EYA1: variants seen among roughly 807,000 people sequenced by gnomAD.
EYA1 encodes the protein protein phosphatase EYA1.
A neutral mutation model predicts 82.0 loss-of-function variants in EYA1; 16 were observed. That is an observed-to-expected ratio of 0.20 (90% CI 0.13 to 0.30). The LOEUF is 0.30. EYA1 is among the 10% of genes least tolerant of loss of function. The probability of loss-of-function intolerance (pLI) is 1.00; values close to 1 mark genes in which losing one functional copy is unlikely to be tolerated. For missense variants in EYA1, 633 were observed against 730.7 expected (o/e 0.87, Z 1.54); for synonymous variants, 261 against 264.4 (o/e 0.99, Z 0.12).
chr8:71,317,090 C>T (rs922559266), intron 7 of EYA1, among the ~76,000 whole-genome samples: 35 of 152,214 alleles, frequency 2.3e-4, no homozygotes, highest in African/African-American at 8.2e-4. Flanking sequence ...ACACTTATCA[C>T]ATACTTTATT....
intron 17 of EYA1, among the ~76,000 whole-genome samples, chr8:71,209,085 CACCTTGGCCTAGGGCCAT>C (rs1299388784): frequency 6.6e-6 from 1 of 152,240 alleles, no homozygotes; most frequent in Non-Finnish European, 1.5e-5. Context: ...GATGGCTTCA[CACCTTGGCCTAGGGCCAT>C]ACTGGTCAGA....
chr8:71,273,150 C>T (rs1816746439), intron 9 of EYA1, among the ~76,000 whole-genome samples: 1 of 152,184 alleles, frequency 6.6e-6, no homozygotes, highest in African/African-American at 2.4e-5. Flanking sequence ...TCTTATTTAA[C>T]CTTAAAACCT....
intron 4 of EYA1, among the ~76,000 whole-genome samples, chr8:71,328,409 G>A (rs1823413495): frequency 6.6e-6 from 1 of 152,136 alleles, no homozygotes; most frequent in Non-Finnish European, 1.5e-5. Context: ...AGCCCCCTCA[G>A]CTCTCCTGAT....
chr8:71,404,325 G>A (rs1386360961), intron 2 of EYA1: 2 of 152,322 alleles, frequency 1.3e-5, no homozygotes, highest in Admixed American at 6.5e-5. Context: ...TGGTTACAAT[G>A]TATTAATGGG....
At chr8:71,517,149 C>G (rs922710940) in intron 2 of EYA1, among the ~76,000 whole-genome samples, 1 of 151,850 alleles carries the variant, frequency 6.6e-6, no homozygotes, top group East Asian at 1.9e-4. Context: ...CTTCTTAAGT[C>G]ACCTCACATA....
chr8:71,225,091 T>G (rs1810397451), intron 12 of EYA1: 1 of 283,356 alleles, frequency 3.5e-6, no homozygotes. Flanking sequence ...TGTTTTTACT[T>G]GCGTGTTTTT....
Position 71,488,337 on chromosome 8 carries a change from T to C in EYA1, c.33+47407A>G, listed in dbSNP as rs551591602. On this transcript the variant is annotated intron_variant, in intron 2 of 18. Coordinates refer to the EYA1 transcript ENST00000643681. Reference sequence around the variant, plus strand: ...GATAATATAATATATATCAATGATATAAAGGATAAATGATATAAAGGATAA... The same window carrying C: ...GATAATATAATATATATCAATGATACAAAGGATAAATGATATAAAGGATAA... Among the ~76,000 whole-genome samples, 5 of 152,048 alleles carry C rather than the reference T, an allele frequency of 3.3e-5. No homozygotes were observed. In the South Asian group the frequency reaches 8.3e-4, roughly 25 times the overall value.
At chr8:71,423,424 G>T (rs956980631) in intron 2 of EYA1, among the ~76,000 whole-genome samples, 2 of 152,040 alleles carry the variant, frequency 1.3e-5, no homozygotes, top group African/African-American at 4.8e-5. Context: ...GATCCATCAC[G>T]TTCTAATGGA....
At chr8:71,534,108 A>G (rs1206705120) in intron 2 of EYA1, among the ~76,000 whole-genome samples, 1 of 152,228 alleles carries the variant, frequency 6.6e-6, no homozygotes, top group East Asian at 1.9e-4. Context: ...TATTGGCAGT[A>G]TTTCTTTGCA....
At chr8:71,515,591 A>C (rs1586867011) in intron 2 of EYA1, among the ~76,000 whole-genome samples, 1 of 152,146 alleles carries the variant, frequency 6.6e-6, no homozygotes, top group African/African-American at 2.4e-5. Context: ...CAAATAAATG[A>C]TGGGAAACAT....
intron 2 of EYA1, among the ~76,000 whole-genome samples, chr8:71,391,069 G>C (rs775628834): frequency 3.9e-5 from 6 of 152,124 alleles, no homozygotes; most frequent in Non-Finnish European, 8.8e-5. Context: ...CACCTTCCGG[G>C]TTCAAGCAAT....
intron 9 of EYA1, among the ~76,000 whole-genome samples, chr8:71,286,902 A>G (rs1818444831): frequency 6.7e-6 from 1 of 148,776 alleles, no homozygotes; most frequent in Non-Finnish European, 1.5e-5. Flanking sequence ...TCCTGGGTTC[A>G]GGCAATTCCC....
At chr8:71,283,437 T>G (rs1464474984) in intron 9 of EYA1, among the ~76,000 whole-genome samples, 1 of 152,218 alleles carries the variant, frequency 6.6e-6, no homozygotes, top group Non-Finnish European at 1.5e-5. Context: ...CAATAGAATG[T>G]AAGTTCCCTG....
chr8:71,292,696 G>T (rs143370776), intron 9 of EYA1, among the ~76,000 whole-genome samples: 1 of 151,806 alleles, frequency 6.6e-6, no homozygotes, highest in African/African-American at 2.4e-5. Context: ...TAAAAGGGAG[G>T]ATTCCAGTGG....
At chr8:71,468,578 G>A (rs1237774143) in intron 2 of EYA1, among the ~76,000 whole-genome samples, 1 of 152,116 alleles carries the variant, frequency 6.6e-6, no homozygotes, top group Non-Finnish European at 1.5e-5. Context: ...ACTCTAAAAT[G>A]ATTAAAATAG....
intron 2 of EYA1, among the ~76,000 whole-genome samples, chr8:71,390,855 A>G (rs1202484954): frequency 6.6e-6 from 1 of 152,024 alleles, no homozygotes; most frequent in Non-Finnish European, 1.5e-5. Flanking sequence ...ATTGAATTCT[A>G]TTAATCTATT....
chr8:71,209,745 A>C (rs1421937737), intron 17 of EYA1, among the ~76,000 whole-genome samples: 1 of 152,192 alleles, frequency 6.6e-6, no homozygotes, highest in African/African-American at 2.4e-5. Context: ...GATTCCTATG[A>C]GGGAGTGTGT....
chr8:71,501,513 CTA>C (rs1811802490), intron 2 of EYA1, among the ~76,000 whole-genome samples: 1 of 152,196 alleles, frequency 6.6e-6, no homozygotes, highest in Non-Finnish European at 1.5e-5. Context: ...ATGGCATTCT[CTA>C]TCATGCCTGG....
intron 12 of EYA1, among the ~76,000 whole-genome samples, chr8:71,224,976 T>A (rs1810385571): frequency 6.6e-6 from 1 of 152,232 alleles, no homozygotes; most frequent in Non-Finnish European, 1.5e-5. Context: ...GGAACAGATT[T>A]GAAGAAACTG....
Sources: allele counts gnomAD v4.1 joint callset (sites outside exome capture counted in the v4.1 genomes callset), GRCh38; gene constraint gnomAD v4.1.1; transcripts MANE v1.5; gene names NCBI Gene and HGNC (gene_info 2026-07-23, HGNC 2026-07-21).